PITX3: variants seen among roughly 807,000 people sequenced by gnomAD.
PITX3 encodes the protein pituitary homeobox 3.
Under a neutral mutation model 14.2 loss-of-function variants are expected in PITX3, and 4 were observed. That is an observed-to-expected ratio of 0.28 (90% CI 0.14 to 0.65). The LOEUF is 0.65. Among genes scored for constraint, PITX3 ranks in the 30% least tolerant of loss-of-function variants. The probability of loss-of-function intolerance (pLI) is 0.82; values close to 1 mark genes in which losing one functional copy is unlikely to be tolerated. For missense variants in PITX3, 358 were observed against 426.8 expected (o/e 0.84, Z 1.42); for synonymous variants, 194 against 204.5 (o/e 0.95, Z 0.44).
chr10:102,234,767 A>ACCCTT (rs1297631758), intron 1 of PITX3, among the ~76,000 whole-genome samples: 2 of 152,190 alleles, frequency 1.3e-5, no homozygotes, highest in African/African-American at 2.4e-5. Flanking sequence ...TGGGAAAAGC[A>ACCCTT]GTCCCACCCT....
At chr10:102,234,866 T>C (rs1218018137) in intron 1 of PITX3, among the ~76,000 whole-genome samples, 2 of 152,114 alleles carry the variant, frequency 1.3e-5, no homozygotes, top group Non-Finnish European at 2.9e-5. Flanking sequence ...GCATCTTGCT[T>C]TCACTTTATT....
At chr10:102,233,696 CTG>C (rs2070314149) in intron 1 of PITX3, among the ~76,000 whole-genome samples, 1 of 152,176 alleles carries the variant, frequency 6.6e-6, no homozygotes, top group Non-Finnish European at 1.5e-5. Flanking sequence ...TGGGCCGGGC[CTG>C]GTCTCATGCC....
Position 102,231,964 on chromosome 10 carries a change from G to T in PITX3, c.117C>A (p.Ser39Arg). ...PEHGCKGQEH[S>R]DSEKASASLP... ...ACCCCCGGAAGGGGGCGCGCTTACC[G>T]CTGTGCTCCTGGCCCTTGCAGCCGT... is the stretch of plus-strand genomic sequence containing the variant. Residue 39 changes from serine (S) to arginine (R), a missense_variant and splice_region_variant, in exon 2 of 4, where the codon AGC (serine) becomes AGA (arginine). Ser to Arg is a moderately radical substitution (Grantham distance 110). Around this residue, in one of 3 missense-constraint regions of PITX3, gnomAD observed 72 missense variants for 79.9 expected, o/e 0.90. Transcript: ENST00000370002. 2 of 1,606,862 alleles carry T rather than the reference G, an allele frequency of 1.2e-6. No homozygotes were observed. Among genetic ancestry groups the T allele is most frequent in the Non-Finnish European group, 1.7e-6 (2 of 1,176,374 alleles).
At chr10:102,240,159 T>A (rs2070495896) in intron 1 of PITX3, among the ~76,000 whole-genome samples, 1 of 152,122 alleles carries the variant, frequency 6.6e-6, no homozygotes, top group African/African-American at 2.4e-5. Flanking sequence ...CTGGGGGGTG[T>A]CTGGTTAATT....
intron 2 of PITX3, 56 bp from the exon 3 acceptor site, chr10:102,231,846 G>A (rs1689270736): frequency 1.9e-6 from 3 of 1,587,076 alleles, no homozygotes; most frequent in Admixed American, 1.7e-5. Context: ...CATATTCTCC[G>A]GCTCGGGGAC....
intron 1 of PITX3, among the ~76,000 whole-genome samples, chr10:102,233,898 C>CT: frequency 6.6e-6 from 1 of 152,324 alleles, no homozygotes; most frequent in Non-Finnish European, 1.5e-5. Flanking sequence ...GCAGGGTCCC[C>CT]TTTTCTGCCT....
intron 1 of PITX3, among the ~76,000 whole-genome samples, chr10:102,237,062 C>G (rs1207042181): frequency 6.6e-6 from 1 of 152,170 alleles, no homozygotes; most frequent in Non-Finnish European, 1.5e-5. Context: ...AGAAATGACT[C>G]CACAGTCTTC....
intron 1 of PITX3, among the ~76,000 whole-genome samples, chr10:102,237,478 A>G (rs1167132987): frequency 6.6e-6 from 1 of 152,174 alleles, no homozygotes; most frequent in African/African-American, 2.4e-5. Flanking sequence ...GGGGCCTCCA[A>G]TGGGGGACAA....
chr10:102,232,191 C>G, intron 1 of PITX3, 99 bp from the exon 2 acceptor site: 1 of 717,400 alleles, frequency 1.4e-6, no homozygotes, highest in Non-Finnish European at 2.5e-6. Context: ...TGGCGCCTTT[C>G]TCAACCCCAG....
rs1204679668 is a variant in PITX3, at chr10:102,231,041, G to T, written c.382C>A (p.Leu128Ile). 6.3e-7 allele frequency: 1 copy of T among 1,587,724 alleles called. No homozygotes were observed. The highest frequency in any genetic ancestry group is 8.6e-7 in the Non-Finnish European group (1 of 1,167,998). Residue 128 changes from leucine to isoleucine, a missense_variant, in exon 4 of 4, where the codon CTA becomes ATA. By Grantham distance (5) the Leu-to-Ile change is conservative. Coordinates refer to ENST00000370002, the MANE Select transcript of PITX3 (RefSeq NM_005029.4). ...GGCGCCGCGAAGCTGCCTTTGCATA[G>T]CTCGGCCTGCTGGCTGCGCTCGCGC... The part of the protein sequence containing the change: ...RKRERSQQAE[L>I]CKGSFAAPLG...
Position 102,230,997 on chromosome 10 carries a change from C to T in PITX3, c.426G>A (p.Pro142=), listed in dbSNP as rs1170692086. 6.2e-7 allele frequency: 1 copy of T among 1,600,514 alleles called. No homozygotes were observed. Among genetic ancestry groups the T allele is most frequent in the South Asian group, 1.1e-5 (1 of 89,746 alleles). Residue 142 remains proline, a synonymous_variant, in exon 4 of 4, where the codon CCG becomes CCA. Coordinates refer to ENST00000370002, the MANE Select transcript of PITX3 (RefSeq NM_005029.4). The part of the protein sequence containing the change: ...SFAAPLGGLV[P]PYEEVYPGYS... ...AGCCGGGGTACACCTCCTCGTAGGG[C>T]GGCACCAGCCCCCCGAGCGGCGCCG...
intron 1 of PITX3, among the ~76,000 whole-genome samples, chr10:102,236,670 G>A (rs2070403653): frequency 6.6e-6 from 1 of 152,210 alleles, no homozygotes; most frequent in African/African-American, 2.4e-5. Flanking sequence ...ACAACCCCAT[G>A]GCAATAAGTC....
At position 102,231,771 on chromosome 10, in the gene PITX3, A is replaced by G. The variant is rs1024949123; in HGVS notation, c.138T>C (p.Ala46=). 10 of 1,604,670 alleles carry G rather than the reference A, an allele frequency of 6.2e-6. No individual in the cohort carries two copies. The highest frequency in any genetic ancestry group is 8.5e-6 in the Non-Finnish European group (10 of 1,177,696). ...QEHSDSEKAS[A]SLPGGSPEDG... The stretch of plus-strand genomic sequence containing the variant: ...CCTCTGGGGAGCCGCCGGGCAGCGA[A>G]GCCGAGGCCTTTTCTGAGTCTGGGG... The change falls in exon 3 of 4, where the codon GCT becomes GCC. Residue 46 remains alanine (A), a synonymous_variant. Coordinates refer to ENST00000370002, the MANE Select transcript of PITX3 (RefSeq NM_005029.4).
intron 1 of PITX3, among the ~76,000 whole-genome samples, chr10:102,240,749 C>T (rs1314363863): frequency 6.6e-6 from 1 of 152,254 alleles, no homozygotes; most frequent in Admixed American, 6.5e-5. Context: ...CTATACCCGC[C>T]GCCTGGTCAC....
rs530353581 is a variant in PITX3, at chr10:102,230,546, G to T, written c.877C>A (p.Pro293Thr). Residue 293 changes from proline to threonine, a missense_variant, in exon 4 of 4, where the codon CCG (proline) becomes ACG (threonine). Physicochemically the swap from Pro to Thr is conservative, Grantham distance 38. Transcript: ENST00000370002. ...HGPPPAANLS[P>T]CQYAVERPV ...GGCCTTTCCACGGCGTACTGGCACG[G>T]ACTAAGGTTGGCTGCCGGGGGCGGC... The T allele has an allele frequency of 6.2e-7, 1 of 1,611,260 alleles. No homozygotes were observed. The highest frequency in any genetic ancestry group is 1.1e-5 in the South Asian group (1 of 90,524).
At chr10:102,234,748 G>A (rs567236702) in intron 1 of PITX3, among the ~76,000 whole-genome samples, 1 of 152,148 alleles carries the variant, frequency 6.6e-6, no homozygotes, top group Non-Finnish European at 1.5e-5. Flanking sequence ...CCAGAGAGGG[G>A]TTTACCTGTG....
intron 1 of PITX3, among the ~76,000 whole-genome samples, chr10:102,235,023 C>A (rs2070346990): frequency 6.6e-6 from 1 of 152,192 alleles, no homozygotes; most frequent in Non-Finnish European, 1.5e-5. Context: ...AGCACTTGGA[C>A]TTGGAGCTAG....
intron 3 of PITX3, 48 bp from the exon 4 acceptor site, chr10:102,231,149 C>A: frequency 6.8e-7 from 1 of 1,464,122 alleles, no homozygotes; most frequent in Non-Finnish European, 9.0e-7. Flanking sequence ...CGGGTCCCAG[C>A]GGCTGAAGGG....
intron 1 of PITX3, among the ~76,000 whole-genome samples, chr10:102,234,302 A>G (rs1309900534): frequency 6.6e-6 from 1 of 152,090 alleles, no homozygotes; most frequent in Non-Finnish European, 1.5e-5. Context: ...TGGGAGTGGA[A>G]CCGAGGTCAA....
Sources: allele counts gnomAD v4.1 joint callset (sites outside exome capture counted in the v4.1 genomes callset), GRCh38; gene constraint gnomAD v4.1.1; regional missense constraint gnomAD v4.1.1; transcripts MANE v1.5; gene names NCBI Gene and HGNC (gene_info 2026-07-23, HGNC 2026-07-21).